INSC: variants seen among roughly 807,000 people sequenced by gnomAD.
INSC encodes INSC spindle orientation adaptor protein.
A neutral mutation model predicts 58.6 loss-of-function variants in INSC; 67 were observed. That is an observed-to-expected ratio of 1.14 (90% CI 0.94 to 1.40). The LOEUF (loss-of-function observed/expected upper bound fraction) is 1.40. INSC is among the 40% of genes most tolerant of loss of function. The probability of loss-of-function intolerance (pLI) is 0.00; values close to 1 mark genes in which losing one functional copy is unlikely to be tolerated. For missense variants in INSC, 714 were observed against 692.0 expected (o/e 1.03, Z -0.36); for synonymous variants, 262 against 276.1 (o/e 0.95, Z 0.51).
chr11:15,115,322 A>C (rs1284374299), intron 1 of INSC, among the ~76,000 whole-genome samples: 1 of 152,164 alleles, frequency 6.6e-6, no homozygotes, highest in Non-Finnish European at 1.5e-5. Context: ...TACCTGTGGA[A>C]ATGCCTGTGT....
chr11:15,246,107 A>G lies in INSC; in HGVS notation c.*67A>G. On this transcript the variant is annotated 3_prime_UTR_variant, in exon 13 of 13. Transcript: ENST00000379556. ...CCTCTGACTATGCACCAGTGAACAC[A>G]TCTGAGTACATACCAGCTCTCCTCA... 3.2e-6 allele frequency: 5 copies of G among 1,546,772 alleles called. No homozygotes were observed. The highest frequency in any genetic ancestry group is 4.5e-6 in the Non-Finnish European group (5 of 1,123,450).
intron 10 of INSC, among the ~76,000 whole-genome samples, chr11:15,236,275 A>C (rs1852126147): frequency 6.6e-6 from 1 of 151,490 alleles, no homozygotes; most frequent in South Asian, 2.1e-4. Flanking sequence ...GCAGGGAAGA[A>C]GAGTAAGGTA....
At chr11:15,178,564 A>C (rs1279565001) in intron 5 of INSC, 117 bp downstream of exon 5, 1 of 1,261,064 alleles carries the variant, frequency 7.9e-7, no homozygotes, top group African/African-American at 1.5e-5. Flanking sequence ...ATTGGGAAAC[A>C]TCTTACTCAA....
chr11:15,175,517 G>C (rs1849540616), intron 2 of INSC, among the ~76,000 whole-genome samples: 1 of 152,116 alleles, frequency 6.6e-6, no homozygotes, highest in African/African-American at 2.4e-5. Flanking sequence ...ATAATTACCT[G>C]TTGCTTGTTA....
At chr11:15,126,429 G>A (rs138702428) in intron 1 of INSC, among the ~76,000 whole-genome samples, 1 of 152,298 alleles carries the variant, frequency 6.6e-6, no homozygotes, top group South Asian at 2.1e-4. Flanking sequence ...TCTGGGAAGA[G>A]CAAGCTGGAG....
At chr11:15,167,501 CCCAGACTGTAG>C (rs1849242809) in intron 2 of INSC, among the ~76,000 whole-genome samples, 1 of 152,008 alleles carries the variant, frequency 6.6e-6, no homozygotes, top group Admixed American at 6.6e-5. Flanking sequence ...CACTTTGTCA[CCCAGACTGTAG>C]TGCAGTGGCA....
intron 7 of INSC, among the ~76,000 whole-genome samples, chr11:15,208,438 A>G (rs1850892661): frequency 6.6e-6 from 1 of 152,176 alleles, no homozygotes; most frequent in Non-Finnish European, 1.5e-5. Context: ...GGCAGGGCCC[A>G]TGATTGAGCC....
At chr11:15,198,980 C>T (rs1850475217) in intron 6 of INSC, among the ~76,000 whole-genome samples, 1 of 152,134 alleles carries the variant, frequency 6.6e-6, no homozygotes, top group Admixed American at 6.5e-5. Context: ...TGTCTTGACC[C>T]TTCTACAACC....
At chr11:15,175,689 T>C (rs1849545672) in intron 2 of INSC, 52 bp from the exon 3 acceptor site, 1 of 1,417,166 alleles carries the variant, frequency 7.1e-7, no homozygotes, top group Admixed American at 2.1e-5. Flanking sequence ...ATTGAGACCT[T>C]TGGAAATCAT....
intron 8 of INSC, among the ~76,000 whole-genome samples, chr11:15,223,575 A>G (rs955263465): frequency 2.0e-5 from 3 of 152,238 alleles, no homozygotes; most frequent in Non-Finnish European, 4.4e-5. Context: ...AAAGGCACTT[A>G]GGTGGTTGTG....
At chr11:15,188,265 T>C in intron 5 of INSC, 1 of 985,498 alleles carries the variant, frequency 1.0e-6, no homozygotes, top group Non-Finnish European at 1.2e-6. Context: ...CCCACTCTCC[T>C]ATTTGGCAAA....
In INSC at chr11:15,167,348, C is replaced by T. The variant is rs1849235429; in HGVS notation, c.57-8393C>T. On this transcript the variant is annotated intron_variant, in intron 2 of 12. Coordinates refer to ENST00000379556, the MANE Select transcript of INSC (RefSeq NM_001042536.3). ...GTCACTGAGTAGAGGTAGGCGGAGG[C>T]AAGGATTCCCGCACTTACTAATTTG... 2.0e-5 allele frequency among the ~76,000 whole-genome samples: 3 copies of T among 152,218 alleles called. No homozygotes were observed. In the East Asian group the frequency reaches 5.8e-4, roughly 29 times the overall value.
At chr11:15,158,860 G>GTTTTTTTTTTTTTTTTTTTTTT (rs529518368) in intron 2 of INSC, among the ~76,000 whole-genome samples, 1 of 109,706 alleles carries the variant, frequency 9.1e-6, no homozygotes, top group Non-Finnish European at 1.8e-5. Context: ...ATTGTTGGTG[G>GTTTTTTTTTTTTTTTTTTTTTT]TTTTTTTTTT....
intron 1 of INSC, among the ~76,000 whole-genome samples, chr11:15,120,394 G>A (rs2133683980): frequency 6.6e-6 from 1 of 152,256 alleles, no homozygotes; most frequent in African/African-American, 2.4e-5. Flanking sequence ...GGTACTAGAG[G>A]CACTAATGTA....
At chr11:15,242,940 C>T (rs1590019015) in intron 12 of INSC, among the ~76,000 whole-genome samples, 1 of 152,202 alleles carries the variant, frequency 6.6e-6, no homozygotes, top group Non-Finnish European at 1.5e-5. Context: ...TTGTTCCAAG[C>T]CATGCTCTTT....
At chr11:15,139,141 A>G (rs1236792606) in intron 1 of INSC, among the ~76,000 whole-genome samples, 1 of 152,238 alleles carries the variant, frequency 6.6e-6, no homozygotes, top group African/African-American at 2.4e-5. Context: ...CTGGGTCCTC[A>G]TAATGACTCA....
chr11:15,193,081 A>G (rs1014717178), intron 6 of INSC, among the ~76,000 whole-genome samples: 2 of 152,222 alleles, frequency 1.3e-5, no homozygotes, highest in African/African-American at 4.8e-5. Flanking sequence ...AGGTATTCAA[A>G]TTGTGAGCTT....
chr11:15,177,246 G>A (rs1849604947), intron 4 of INSC, 83 bp downstream of exon 4: 5 of 1,013,950 alleles, frequency 4.9e-6, no homozygotes, highest in African/African-American at 1.6e-5. Flanking sequence ...CCCAGAGGGA[G>A]AATGGGAATG....
chr11:15,209,567 A>T lies in INSC; in HGVS notation c.819+8618A>T, dbSNP rs183060571. On this transcript the variant is annotated intron_variant, in intron 7 of 12. Transcript: ENST00000379556. ...GTACTGCTCTGGAAGCGTATCCCAC[A>T]CTGCCTGACCTCAAACCTCTGCCTT... is the stretch of plus-strand genomic sequence containing the variant. 1.5e-3 allele frequency among the ~76,000 whole-genome samples: 235 copies of T among 152,200 alleles called. 1 individual carries two copies. Among genetic ancestry groups the T allele is most frequent in the African/African-American group, 5.2e-3 (215 of 41,520 alleles).
Sources: gnomAD v4.1 joint callset for allele counts (sites outside exome capture counted in the v4.1 genomes callset) on GRCh38, gnomAD v4.1.1 for gene constraint, MANE v1.5 for transcripts, NCBI Gene and HGNC (gene_info 2026-07-23, HGNC 2026-07-21) for gene names.